Variants in SNX29 observed in about 807,000 individuals in gnomAD.
SNX29 encodes sorting nexin-29.
SNX29 carries 78 observed loss-of-function variants against 102.1 expected under a neutral mutation model. The observed-to-expected ratio is 0.76, with a 90% CI of 0.64 to 0.92. SNX29 has a LOEUF of 0.92. SNX29 is among the 40% of genes least tolerant of loss of function. The probability of loss-of-function intolerance (pLI) is 0.00; values close to 1 mark genes in which losing one functional copy is unlikely to be tolerated. For synonymous variants in SNX29, 580 were observed against 414.5 expected, an observed-to-expected ratio of 1.40 and a Z score of -4.85; for missense variants, 1,280 against 1,061.7, an observed-to-expected ratio of 1.21 and a Z score of -2.86.
rs909095129 is a variant in SNX29, at chr16:11,976,953, GC to G, written c.7+145del. 59 of 1,135,178 alleles carry G rather than the reference GC, an allele frequency of 5.2e-5. 1 individual carries two copies. The highest frequency in any genetic ancestry group is 3.0e-4 in the Admixed American group (7 of 23,090). 70.3% of individuals were successfully genotyped at this position (1,135,178 alleles called of 1,614,324 possible). The stretch of plus-strand genomic sequence containing the variant: ...AGTCGCTCCCTTTTCCAGACCCCTG[GC>G]CCCCAGGACTCCCGGCTCGTGGCCC... On this transcript the variant is annotated intron_variant, in intron 1 of 20. Transcript: ENST00000566228.
At chr16:12,561,730 A>G (rs2078735763) in intron 20 of SNX29, among the ~76,000 whole-genome samples, 1 of 152,160 alleles carries the variant, frequency 6.6e-6, no homozygotes, top group Non-Finnish European at 1.5e-5. Flanking sequence ...TGCTAGCAGC[A>G]GGGAGGATGG....
intron 14 of SNX29, among the ~76,000 whole-genome samples, chr16:12,272,190 G>C (rs1027541615): frequency 6.6e-6 from 1 of 152,212 alleles, no homozygotes; most frequent in African/African-American, 2.4e-5. Flanking sequence ...CAGTGTTGAA[G>C]GTTGCTGATT....
At chr16:12,128,211 C>A (rs926143872) in intron 12 of SNX29, among the ~76,000 whole-genome samples, 2 of 152,220 alleles carry the variant, frequency 1.3e-5, no homozygotes, top group Non-Finnish European at 2.9e-5. Context: ...TGTCCATGCT[C>A]CAGCTGGGGC....
intron 17 of SNX29, among the ~76,000 whole-genome samples, chr16:12,401,698 C>G (rs142777135): frequency 2.6e-5 from 4 of 152,136 alleles, no homozygotes; most frequent in African/African-American, 9.7e-5. Context: ...ATTTGTCTCT[C>G]TCCCATGTTA....
intron 1 of SNX29, among the ~76,000 whole-genome samples, chr16:11,978,662 GT>G (rs1413840895): frequency 1.3e-5 from 2 of 152,222 alleles, no homozygotes; most frequent in Non-Finnish European, 2.9e-5. Flanking sequence ...TGACCAAGGA[GT>G]CTTTGCCACA....
chr16:12,537,344 C>G (rs549012794), intron 20 of SNX29, among the ~76,000 whole-genome samples: 35 of 152,192 alleles, frequency 2.3e-4, no homozygotes, highest in African/African-American at 8.4e-4. Context: ...TAAATTCCTA[C>G]AGGAGCTCAT....
chr16:12,240,877 A>G (rs2078083896), intron 14 of SNX29, among the ~76,000 whole-genome samples: 1 of 152,082 alleles, frequency 6.6e-6, no homozygotes, highest in South Asian at 2.1e-4. Flanking sequence ...AAGTGCTGGG[A>G]TTACAGGCGT....
At chr16:12,160,969 T>C (rs897018443) in intron 13 of SNX29, among the ~76,000 whole-genome samples, 19 of 152,236 alleles carry the variant, frequency 1.2e-4, no homozygotes, top group African/African-American at 3.9e-4. Flanking sequence ...TTTCGAGATA[T>C]GCAAATCATC....
At chr16:12,282,297 G>C (rs1471243559) in intron 15 of SNX29, among the ~76,000 whole-genome samples, 1 of 152,134 alleles carries the variant, frequency 6.6e-6, no homozygotes, top group Admixed American at 6.5e-5. Context: ...AACAGCAACT[G>C]CAGCAATATC....
At chr16:12,306,286 A>T (rs866477957) in intron 15 of SNX29, among the ~76,000 whole-genome samples, 5 of 151,912 alleles carry the variant, frequency 3.3e-5, no homozygotes, top group Admixed American at 2.0e-4. Flanking sequence ...CTCCTCACTC[A>T]CACGGCATGG....
chr16:12,545,318 C>T (rs978466569), intron 20 of SNX29, among the ~76,000 whole-genome samples: 2 of 149,356 alleles, frequency 1.3e-5, no homozygotes, highest in African/African-American at 4.8e-5. Flanking sequence ...GACTCGCATC[C>T]ACCAGAGAAA....
intron 9 of SNX29, 126 bp downstream of exon 9, chr16:12,061,772 C>T: frequency 1.3e-6 from 1 of 749,232 alleles, no homozygotes; most frequent in Non-Finnish European, 2.2e-6. Context: ...GGGTGTGGTT[C>T]AGGGCCAGGG....
chr16:12,554,028 G>A (rs1016470327), intron 20 of SNX29, among the ~76,000 whole-genome samples: 11 of 152,188 alleles, frequency 7.2e-5, no homozygotes, highest in Non-Finnish European at 1.5e-4. Flanking sequence ...TTTTAACCAT[G>A]TTGCCCAGGC....
intron 8 of SNX29, among the ~76,000 whole-genome samples, chr16:12,059,904 A>C (rs1007722710): frequency 3.3e-5 from 5 of 152,208 alleles, no homozygotes; most frequent in African/African-American, 1.2e-4. Flanking sequence ...TCTGTTGCTT[A>C]GTGCTGATGG....
rs563436458 is a variant in SNX29, at chr16:12,271,380, G to A, written c.1679-6553G>A. On this transcript the variant is annotated intron_variant, in intron 14 of 20. Coordinates refer to ENST00000566228, the MANE Select transcript of SNX29 (RefSeq NM_032167.5). ...ATGAGGTTCTCTCCGTAGGAAGCTC[G>A]TAAGAATAAATGAACAAGAAAGGCA... Among the ~76,000 whole-genome samples the A allele has an allele frequency of 6.6e-5, 10 of 152,306 alleles. No homozygotes were observed. The South Asian group carries it at 1.9e-3, about 28-fold the overall frequency.
chr16:12,395,647 T>C (rs533623965), intron 16 of SNX29, among the ~76,000 whole-genome samples: 41 of 152,282 alleles, frequency 2.7e-4, no homozygotes, highest in South Asian at 2.5e-3. Flanking sequence ...GTGCCCCATA[T>C]TGAGGGTAAA....
chr16:12,536,332 C>T (rs891445832), intron 20 of SNX29, among the ~76,000 whole-genome samples: 9 of 152,044 alleles, frequency 5.9e-5, no homozygotes, highest in African/African-American at 1.9e-4. Flanking sequence ...ACTAATGCAG[C>T]AGGAAACAAG....
intron 13 of SNX29, among the ~76,000 whole-genome samples, chr16:12,153,307 G>A (rs993731177): frequency 1.3e-5 from 2 of 151,932 alleles, no homozygotes; most frequent in African/African-American, 4.8e-5. Flanking sequence ...TGTACAGAGG[G>A]TCATGACATC....
chr16:12,048,702 G>T, intron 7 of SNX29, 82 bp downstream of exon 7: 1 of 1,610,778 alleles, frequency 6.2e-7, no homozygotes, highest in Non-Finnish European at 8.5e-7. Flanking sequence ...TCATCTGAAA[G>T]TCATTCCAAG....
Sources: gnomAD v4.1 joint callset for allele counts (sites outside exome capture counted in the v4.1 genomes callset) on GRCh38, gnomAD v4.1.1 for gene constraint, MANE v1.5 for transcripts, NCBI Gene and HGNC (gene_info 2026-07-23, HGNC 2026-07-21) for gene names.